Variants in SPATA17 observed in about 807,000 individuals in gnomAD.
SPATA17 encodes the protein spermatogenesis-associated protein 17.
A neutral mutation model predicts 62.2 loss-of-function variants in SPATA17; 53 were observed. The ratio of observed to expected loss-of-function variants is 0.85; its 90% CI spans 0.68 to 1.07. SPATA17 has a LOEUF of 1.07. Among genes scored for constraint, SPATA17 ranks in the 50% least tolerant of loss-of-function variants. SPATA17 has a pLI of 0.00. For missense variants in SPATA17, 466 were observed against 425.5 expected (o/e 1.10, Z -0.84); for synonymous variants, 146 against 146.8 (o/e 0.99, Z 0.04).
intron 8 of SPATA17, among the ~76,000 whole-genome samples, chr1:217,795,034 G>A (rs1674097372): frequency 6.6e-6 from 1 of 152,084 alleles, no homozygotes; most frequent in Non-Finnish European, 1.5e-5. Context: ...TAATAGGCTT[G>A]TATTTTCTTT....
intron 5 of SPATA17, among the ~76,000 whole-genome samples, chr1:217,713,993 GA>G (rs879397203): frequency 9.2e-5 from 14 of 152,292 alleles, no homozygotes; most frequent in Non-Finnish European, 1.8e-4. Context: ...GCATCCAGCA[GA>G]AAGCAACCAG....
At position 217,703,966 on chromosome 1, in the gene SPATA17, G is replaced by T. The variant is rs919780857; in HGVS notation, c.395+20605G>T. On this transcript the variant is annotated intron_variant, in intron 5 of 10. Transcript: ENST00000366933. Reference sequence around the variant, plus strand: ...AATGAATATATGTTTAAAATTTTTTGGGGGTGGGGCTCTTTTAATAAAATC... The same window carrying T: ...AATGAATATATGTTTAAAATTTTTTTGGGGTGGGGCTCTTTTAATAAAATC... Among the ~76,000 whole-genome samples the T allele has an allele frequency of 4.0e-5, 6 of 151,882 alleles. No individual in the cohort carries two copies. In the East Asian group the frequency reaches 5.8e-4, roughly 15 times the overall value.
intron 9 of SPATA17, among the ~76,000 whole-genome samples, chr1:217,808,287 A>G (rs1674490583): frequency 6.6e-6 from 1 of 151,986 alleles, no homozygotes; most frequent in African/African-American, 2.4e-5. Context: ...TCTTTAGCTC[A>G]GTGATCCCCA....
intron 9 of SPATA17, among the ~76,000 whole-genome samples, chr1:217,854,365 C>T (rs913152315): frequency 6.6e-6 from 1 of 152,140 alleles, no homozygotes; most frequent in Non-Finnish European, 1.5e-5. Flanking sequence ...TAGTGAGGAT[C>T]TCCAGTAGCA....
chr1:217,719,910 C>G (rs1427198633), intron 5 of SPATA17, among the ~76,000 whole-genome samples: 2 of 152,186 alleles, frequency 1.3e-5, no homozygotes, highest in East Asian at 3.9e-4. Flanking sequence ...AGCTAGTGGT[C>G]TGACCCTGAT....
chr1:217,745,906 C>G (rs1480757380), intron 6 of SPATA17, among the ~76,000 whole-genome samples: 1 of 151,918 alleles, frequency 6.6e-6, no homozygotes, highest in Non-Finnish European at 1.5e-5. Flanking sequence ...AATAACATAA[C>G]CTTCCTTCCT....
chr1:217,858,746 A>T (rs920456326), intron 9 of SPATA17, among the ~76,000 whole-genome samples: 41 of 152,172 alleles, frequency 2.7e-4, no homozygotes, highest in Non-Finnish European at 5.6e-4. Context: ...AAATAAAATT[A>T]TAGCCGGGCG....
intron 5 of SPATA17, among the ~76,000 whole-genome samples, chr1:217,687,800 C>G (rs566878287): frequency 6.6e-6 from 1 of 152,096 alleles, no homozygotes; most frequent in East Asian, 1.9e-4. Flanking sequence ...TAGGTATTCT[C>G]TTAAAGGCAA....
chr1:217,632,323 G>A (rs1308757821), intron 1 of SPATA17, among the ~76,000 whole-genome samples: 1 of 152,096 alleles, frequency 6.6e-6, no homozygotes, highest in East Asian at 1.9e-4. Context: ...TCTCCCTACA[G>A]CCAAACTTCT....
rs192552475 is a variant in SPATA17 at position 217,808,588 on chromosome 1, C to T, written c.1005+6738C>T. On this transcript the variant is annotated intron_variant, in intron 9 of 10. Transcript: ENST00000366933. Reference sequence around the variant, plus strand: ...GCAAAATGCAGCTTGGCACAGTGGCCCACGCCTGTAATCCCAGCACTTTGG... The same window carrying T: ...GCAAAATGCAGCTTGGCACAGTGGCTCACGCCTGTAATCCCAGCACTTTGG... Among the ~76,000 whole-genome samples, 8 of 152,120 alleles carry T rather than the reference C, an allele frequency of 5.3e-5. No individual in the cohort carries two copies. The South Asian group carries it at 6.2e-4, about 12-fold the overall frequency.
intron 5 of SPATA17, among the ~76,000 whole-genome samples, chr1:217,702,032 GTATA>G (rs10631525): frequency 3.4e-5 from 5 of 147,776 alleles, no homozygotes; most frequent in Admixed American, 2.0e-4. Context: ...AAAATTTGGT[GTATA>G]TATATATATA....
intron 3 of SPATA17, among the ~76,000 whole-genome samples, chr1:217,663,074 A>G (rs889304944): frequency 2.0e-5 from 3 of 152,188 alleles, no homozygotes; most frequent in African/African-American, 7.2e-5. Flanking sequence ...AATCTTAAAG[A>G]TAATATTACT....
chr1:217,764,982 G>T (rs1226016828), intron 6 of SPATA17, among the ~76,000 whole-genome samples: 1 of 152,056 alleles, frequency 6.6e-6, no homozygotes, highest in Non-Finnish European at 1.5e-5. Flanking sequence ...GAGGGATAAA[G>T]ATTCTAGTTT....
intron 9 of SPATA17, among the ~76,000 whole-genome samples, 162 bp downstream of exon 9, chr1:217,802,012 ATT>A (rs78524106): frequency 2.7e-5 from 4 of 149,042 alleles, no homozygotes; most frequent in African/African-American, 4.9e-5. Flanking sequence ...CCTATGTAAG[ATT>A]TTTTTTTTTC....
chr1:217,680,305 T>C (rs1226810279), intron 4 of SPATA17, among the ~76,000 whole-genome samples: 1 of 152,144 alleles, frequency 6.6e-6, no homozygotes, highest in East Asian at 1.9e-4. Flanking sequence ...AATAATAATC[T>C]CCACCTCAGA....
intron 9 of SPATA17, among the ~76,000 whole-genome samples, chr1:217,825,063 T>C (rs1236153501): frequency 1.3e-5 from 2 of 150,582 alleles, no homozygotes; most frequent in Non-Finnish European, 3.0e-5. Flanking sequence ...TTTATTTATA[T>C]GAATACATAT....
intron 1 of SPATA17, among the ~76,000 whole-genome samples, chr1:217,648,328 A>G (rs147621135): frequency 2.0e-5 from 3 of 152,232 alleles, no homozygotes; most frequent in Admixed American, 6.5e-5. Context: ...TGGATCACTG[A>G]CTTGAATTTC....
chr1:217,712,167 C>T (rs1390271000), intron 5 of SPATA17, among the ~76,000 whole-genome samples: 1 of 130,632 alleles, frequency 7.7e-6, no homozygotes, highest in Non-Finnish European at 1.6e-5. Context: ...GCTCTTGTTG[C>T]CTGGGCTGGA....
At chr1:217,857,499 T>C (rs1675810227) in intron 9 of SPATA17, among the ~76,000 whole-genome samples, 1 of 152,172 alleles carries the variant, frequency 6.6e-6, no homozygotes, top group African/African-American at 2.4e-5. Flanking sequence ...GCATTTAAAA[T>C]TACCATCCCT....
Sources: gnomAD v4.1 joint callset for allele counts (sites outside exome capture counted in the v4.1 genomes callset) on GRCh38, gnomAD v4.1.1 for gene constraint, MANE v1.5 for transcripts, NCBI Gene and HGNC (gene_info 2026-07-23, HGNC 2026-07-21) for gene names.